Variants in RAB28 observed in about 807,000 individuals in gnomAD.
RAB28 encodes the protein ras-related protein Rab-28.
In RAB28, 24 loss-of-function variants were observed where a neutral mutation model predicts 31.7. The ratio of observed to expected loss-of-function variants is 0.76; its 90% CI spans 0.55 to 1.06. RAB28 has a LOEUF of 1.06. Ranked by LOEUF, RAB28 falls within the 50% of genes least tolerant of loss-of-function variation. The pLI is 0.00. For missense variants in RAB28, 254 were observed against 258.5 expected (o/e 0.98, Z 0.12); for synonymous variants, 100 against 90.4 (o/e 1.11, Z -0.60).
chr4:13,443,677 A>AT (rs1161287248), intron 4 of RAB28, among the ~76,000 whole-genome samples: 2 of 152,164 alleles, frequency 1.3e-5, no homozygotes, highest in African/African-American at 2.4e-5. Context: ...CATACTTGTC[A>AT]TTTTTTGTGG....
chr4:13,377,546 A>G lies in RAB28; in HGVS notation c.496-924T>C, dbSNP rs74605549. Reference sequence around the variant, plus strand: ...AGAGAAAGAGTGGTTATAAAAGAAGACGAGCAAAGAGATGAAGGGAGTACA... The same window carrying G: ...AGAGAAAGAGTGGTTATAAAAGAAGGCGAGCAAAGAGATGAAGGGAGTACA... On this transcript the variant is annotated intron_variant, in intron 5 of 6. Transcript: ENST00000330852. Among the ~76,000 whole-genome samples, 73 of 152,298 alleles carry G rather than the reference A, an allele frequency of 4.8e-4. 1 individual carries two copies. In the East Asian group the frequency reaches 0.011, roughly 23 times the overall value.
chr4:13,462,541 G>C (rs1439053592), intron 3 of RAB28, among the ~76,000 whole-genome samples: 1 of 152,140 alleles, frequency 6.6e-6, no homozygotes, highest in African/African-American at 2.4e-5. Context: ...TCTGAAGCTA[G>C]AGCAAGCCAG....
chr4:13,370,881 C>A (rs1245396151), intron 6 of RAB28: 1 of 957,552 alleles, frequency 1.0e-6, no homozygotes, highest in East Asian at 1.2e-4. Context: ...TTGTTATATT[C>A]TTAATTGCTG....
At chr4:13,386,973 C>T (rs987307268) in intron 4 of RAB28, among the ~76,000 whole-genome samples, 1 of 152,030 alleles carries the variant, frequency 6.6e-6, no homozygotes, top group Non-Finnish European at 1.5e-5. Flanking sequence ...GACCATTATC[C>T]TTAGCAAACT....
intron 1 of RAB28, among the ~76,000 whole-genome samples, chr4:13,480,045 T>C (rs775342065): frequency 4.0e-5 from 6 of 151,646 alleles, no homozygotes; most frequent in Non-Finnish European, 7.4e-5. Flanking sequence ...TTAAAGATGC[T>C]AAATGAAAAT....
intron 5 of RAB28, among the ~76,000 whole-genome samples, chr4:13,377,726 A>G (rs185497296): frequency 2.0e-3 from 300 of 152,306 alleles, no homozygotes; most frequent in Non-Finnish European, 3.7e-3. Context: ...CAAGTGTACA[A>G]AAACAGAATC....
At chr4:13,484,015 G>T in intron 1 of RAB28, 61 bp downstream of exon 1, 2 of 1,468,050 alleles carry the variant, frequency 1.4e-6, no homozygotes, top group Non-Finnish European at 1.9e-6. Flanking sequence ...CGGCGGGGAG[G>T]AGGCCGGGGA....
intron 4 of RAB28, among the ~76,000 whole-genome samples, chr4:13,446,613 G>A (rs1196765814): frequency 2.6e-5 from 4 of 152,134 alleles, no homozygotes; most frequent in African/African-American, 9.7e-5. Context: ...GGGGATCCCG[G>A]CTCCGTGCAC....
chr4:13,369,859 A>T, intron 6 of RAB28: 2 of 1,598,166 alleles, frequency 1.3e-6, no homozygotes, highest in Admixed American at 1.7e-5. Context: ...GTAATAATTT[A>T]TCACTTAATA....
chr4:13,408,240 A>G (rs1031388370), intron 4 of RAB28, among the ~76,000 whole-genome samples: 10 of 152,136 alleles, frequency 6.6e-5, no homozygotes, highest in African/African-American at 2.4e-4. Context: ...GAATTTTGTC[A>G]AAGGCCTTTT....
At chr4:13,424,443 C>G (rs894648339) in intron 4 of RAB28, among the ~76,000 whole-genome samples, 1 of 152,210 alleles carries the variant, frequency 6.6e-6, no homozygotes, top group Admixed American at 6.5e-5. Context: ...CAAAATGTCT[C>G]TCTTCTCGTA....
chr4:13,446,198 T>C (rs558058949), intron 4 of RAB28, among the ~76,000 whole-genome samples: 14 of 152,238 alleles, frequency 9.2e-5, no homozygotes, highest in African/African-American at 3.1e-4. Flanking sequence ...GCCACAGTAA[T>C]GGCGGTAGCC....
At chr4:13,377,179 T>C (rs1394824481) in intron 5 of RAB28, among the ~76,000 whole-genome samples, 1 of 152,132 alleles carries the variant, frequency 6.6e-6, no homozygotes, top group African/African-American at 2.4e-5. Context: ...AAAGGAAAAA[T>C]ATATGCCATT....
At chr4:13,393,540 G>T (rs548557957) in intron 4 of RAB28, among the ~76,000 whole-genome samples, 2 of 152,204 alleles carry the variant, frequency 1.3e-5, no homozygotes, top group East Asian at 3.9e-4. Context: ...ATTTTCCCTT[G>T]TTGGATTTAA....
At chr4:13,396,850 T>C (rs1249953059) in intron 4 of RAB28, among the ~76,000 whole-genome samples, 1 of 152,108 alleles carries the variant, frequency 6.6e-6, no homozygotes, top group Non-Finnish European at 1.5e-5. Context: ...TAGGTTGGCA[T>C]TCTCCTTTTA....
At position 13,412,730 on chromosome 4, in the gene RAB28, G is replaced by A. The variant is rs528148361; in HGVS notation, c.392-31136C>T. Among the ~76,000 whole-genome samples, 75 of 152,098 alleles carry A rather than the reference G, an allele frequency of 4.9e-4. 1 individual carries two copies. The highest frequency in any genetic ancestry group is 9.1e-4 in the Non-Finnish European group (62 of 68,004). On this transcript the variant is annotated intron_variant, in intron 4 of 6. Transcript: ENST00000330852. ...AAAGACAAAGAGACTTACAGGAAAT[G>A]AGTAGCCATGGAGCAAATGAAAGTT... is the stretch of plus-strand genomic sequence containing the variant.
At chr4:13,482,946 G>C (rs1294502834) in intron 1 of RAB28, among the ~76,000 whole-genome samples, 1 of 152,186 alleles carries the variant, frequency 6.6e-6, no homozygotes, top group Non-Finnish European at 1.5e-5. Flanking sequence ...GGTCCGAAAT[G>C]CAACCAGCAA....
chr4:13,483,420 C>G (rs907298613), intron 1 of RAB28, among the ~76,000 whole-genome samples: 6 of 152,200 alleles, frequency 3.9e-5, no homozygotes, highest in Non-Finnish European at 8.8e-5. Context: ...GAGCTGGAAA[C>G]AGAGGTGATG....
chr4:13,372,425 T>C (rs1238008434), intron 6 of RAB28, among the ~76,000 whole-genome samples: 1 of 152,134 alleles, frequency 6.6e-6, no homozygotes, highest in Admixed American at 6.6e-5. Context: ...TTTCATGTCT[T>C]CTGTCTTCGC....
Sources: gnomAD v4.1 joint callset for allele counts (sites outside exome capture counted in the v4.1 genomes callset) on GRCh38, gnomAD v4.1.1 for gene constraint, MANE v1.5 for transcripts, NCBI Gene and HGNC (gene_info 2026-07-23, HGNC 2026-07-21) for gene names.